The following PCDH15 variants were observed in gnomAD, a reference collection of about 807,000 sequenced individuals.
PCDH15 encodes the protein protocadherin related 15, also known as protocadherin-15.
In PCDH15, 129 loss-of-function variants were observed where a neutral mutation model predicts 178.5. The observed-to-expected ratio is 0.72, with a 90% CI of 0.63 to 0.84. The LOEUF (loss-of-function observed/expected upper bound fraction) is 0.84. Ranked by LOEUF, PCDH15 falls within the 40% of genes least tolerant of loss-of-function variation. PCDH15 has a pLI of 0.00. For missense variants in PCDH15, 2,230 were observed against 2,099.9 expected (o/e 1.06, Z -1.21); for synonymous variants, 800 against 732.0 (o/e 1.09, Z -1.50).
chr10:54,200,430 C>A (rs1161719600), intron 10 of PCDH15, among the ~76,000 whole-genome samples: 1 of 151,938 alleles, frequency 6.6e-6, no homozygotes, highest in Non-Finnish European at 1.5e-5. Context: ...CCTAGGCCCC[C>A]ACCCTCGACA....
At chr10:54,563,233 A>C (rs1200047826) in intron 2 of PCDH15, among the ~76,000 whole-genome samples, 1 of 152,174 alleles carries the variant, frequency 6.6e-6, no homozygotes, top group Non-Finnish European at 1.5e-5. Context: ...TTTTGAAATA[A>C]GCCCAGTTAC....
At chr10:55,027,755 C>A (rs950050151) in intron 2 of PCDH15, among the ~76,000 whole-genome samples, 1 of 151,706 alleles carries the variant, frequency 6.6e-6, no homozygotes, top group Non-Finnish European at 1.5e-5. Context: ...GTTTATAATT[C>A]TTGTTCAATT....
intron 27 of PCDH15, among the ~76,000 whole-genome samples, chr10:53,863,949 T>C (rs1022117616): frequency 6.6e-6 from 1 of 152,152 alleles, no homozygotes; most frequent in Non-Finnish European, 1.5e-5. Flanking sequence ...TGCTTTAGTA[T>C]TATTTTTCTG....
chr10:54,847,402 T>C (rs1465840903), intron 3 of PCDH15, among the ~76,000 whole-genome samples: 1 of 152,182 alleles, frequency 6.6e-6, no homozygotes, highest in Non-Finnish European at 1.5e-5. Flanking sequence ...TTTTGTACAA[T>C]TATATTGTTC....
chr10:54,704,160 T>C (rs370030608), intron 1 of PCDH15, among the ~76,000 whole-genome samples: 3 of 152,026 alleles, frequency 2.0e-5, no homozygotes, highest in Non-Finnish European at 4.4e-5. Flanking sequence ...CCCTAGAAGA[T>C]AACCCAAGAA....
intron 2 of PCDH15, among the ~76,000 whole-genome samples, chr10:55,529,206 T>G (rs1036460895): frequency 2.6e-5 from 4 of 152,178 alleles, no homozygotes; most frequent in African/African-American, 9.7e-5. Context: ...TAGTTTCTTT[T>G]GCTATGCAGA....
intron 1 of PCDH15, among the ~76,000 whole-genome samples, chr10:55,314,199 G>GTATATA (rs34097929): frequency 0.036 from 5,085 of 142,746 alleles, 94 homozygotes; most frequent in Non-Finnish European, 0.045. Context: ...ATGTTTGTGT[G>GTATATA]TATATATATA....
At chr10:55,190,290 A>G (rs1174339180) in intron 1 of PCDH15, among the ~76,000 whole-genome samples, 1 of 151,000 alleles carries the variant, frequency 6.6e-6, no homozygotes, top group Non-Finnish European at 1.5e-5. Context: ...GCTGTCATAG[A>G]AACTTTAATA....
chr10:55,068,073 T>A (rs1841612937), intron 2 of PCDH15, among the ~76,000 whole-genome samples: 1 of 152,092 alleles, frequency 6.6e-6, no homozygotes, highest in African/African-American at 2.4e-5. Flanking sequence ...CTGTGCAGAA[T>A]CTTTTTACTG....
intron 2 of PCDH15, among the ~76,000 whole-genome samples, chr10:55,560,820 G>T (rs1342075595): frequency 2.6e-5 from 4 of 151,608 alleles, no homozygotes; most frequent in African/African-American, 9.7e-5. Context: ...AGATTTTTGG[G>T]CTATTAATAG....
intron 15 of PCDH15, among the ~76,000 whole-genome samples, chr10:54,121,708 A>G (rs1211220571): frequency 6.6e-6 from 1 of 152,190 alleles, no homozygotes; most frequent in Non-Finnish European, 1.5e-5. Context: ...TCTAGAGGAA[A>G]TGGAAAAATT....
intron 4 of PCDH15, among the ~76,000 whole-genome samples, chr10:54,373,735 C>CA (rs1948019533): frequency 6.6e-6 from 1 of 151,786 alleles, no homozygotes; most frequent in Non-Finnish European, 1.5e-5. Flanking sequence ...TAAAGTCAGT[C>CA]AAAAATACTA....
At chr10:54,169,015 A>C (rs372325904) in intron 13 of PCDH15, among the ~76,000 whole-genome samples, 9 of 152,178 alleles carry the variant, frequency 5.9e-5, no homozygotes, top group Non-Finnish European at 4.4e-5. Context: ...ACCTCCTCCC[A>C]CAGGAGCTTG....
At chr10:54,366,715 GT>G (rs201995767) in intron 5 of PCDH15, among the ~76,000 whole-genome samples, 22 of 145,474 alleles carry the variant, frequency 1.5e-4, no homozygotes, top group South Asian at 6.7e-4. Context: ...TAAATGCACT[GT>G]TTTTTTTTTC....
intron 1 of PCDH15, among the ~76,000 whole-genome samples, chr10:55,232,409 G>A (rs1369690457): frequency 6.6e-6 from 1 of 151,942 alleles, no homozygotes; most frequent in African/African-American, 2.4e-5. Flanking sequence ...TTATAATATT[G>A]CATACAGAAT....
At chr10:53,986,468 T>C (rs2091110585) in intron 21 of PCDH15, among the ~76,000 whole-genome samples, 2 of 152,222 alleles carry the variant, frequency 1.3e-5, no homozygotes, top group Non-Finnish European at 2.9e-5. Context: ...GTTCCACTTT[T>C]GGGAATTTAT....
At chr10:54,835,998 T>A (rs986278264) in intron 3 of PCDH15, among the ~76,000 whole-genome samples, 1 of 152,168 alleles carries the variant, frequency 6.6e-6, no homozygotes, top group Non-Finnish European at 1.5e-5. Context: ...AAAACTATTG[T>A]CATACGTTTT....
intron 2 of PCDH15, among the ~76,000 whole-genome samples, chr10:55,417,569 G>A (rs924631906): frequency 6.6e-6 from 1 of 151,542 alleles, no homozygotes; most frequent in Non-Finnish European, 1.5e-5. Flanking sequence ...AGCCATAGTA[G>A]GGGATAGAAG....
At chr10:54,390,756 A>G (rs12769304) in intron 3 of PCDH15, among the ~76,000 whole-genome samples, 8,347 of 152,204 alleles carry the variant, frequency 0.055, 277 homozygotes, top group Admixed American at 0.099. Context: ...AAACTGTCCA[A>G]ATATAGTTAC....
Sources: gnomAD v4.1 joint callset for allele counts (sites outside exome capture counted in the v4.1 genomes callset) on GRCh38, gnomAD v4.1.1 for gene constraint, MANE v1.5 for transcripts, NCBI Gene and HGNC (gene_info 2026-07-23, HGNC 2026-07-21) for gene names.